The following FAM149A variants were observed in gnomAD, a reference collection of about 807,000 sequenced individuals.
FAM149A encodes protein FAM149A.
FAM149A carries 71 observed loss-of-function variants against 78.2 expected under a neutral mutation model. That is an observed-to-expected ratio of 0.91 (90% CI 0.75 to 1.11). The LOEUF (loss-of-function observed/expected upper bound fraction) is 1.11, where lower values mean the gene tolerates loss of function less well. Ranked by LOEUF, FAM149A falls within the 50% of genes least tolerant of loss-of-function variation. The probability of loss-of-function intolerance (pLI) is 0.00; values close to 1 mark genes in which losing one functional copy is unlikely to be tolerated. For missense variants in FAM149A, 1,036 were observed against 971.0 expected, an observed-to-expected ratio of 1.07 and a Z score of -0.89; for synonymous variants, 446 against 410.5, an observed-to-expected ratio of 1.09 and a Z score of -1.04.
chr4:186,108,046 T>C (rs2099309505), intron 1 of FAM149A, among the ~76,000 whole-genome samples: 1 of 152,230 alleles, frequency 6.6e-6, no homozygotes, highest in Admixed American at 6.5e-5. Context: ...TGGATTTCTG[T>C]GGTAGTGATT....
intron 1 of FAM149A, among the ~76,000 whole-genome samples, chr4:186,122,385 TAAAG>T (rs2099316459): frequency 6.6e-6 from 1 of 152,168 alleles, no homozygotes. Context: ...ATTTGAATAT[TAAAG>T]AGAATATTGG....
chr4:186,146,651 A>G lies in FAM149A; in HGVS notation c.567-2522A>G, dbSNP rs1045926801. The G allele has an allele frequency of 3.0e-5, 21 of 700,856 alleles. No homozygotes were observed. The African/African-American group carries it at 3.9e-4, about 13-fold the overall frequency. The allele number at this position is 700,856 out of a possible 1,614,324, so 43.4% of individuals were successfully genotyped here. ...AAAAGCAGGAGGAGGAGCTAGAAGC[A>G]GGATAGACCGTCTTGAGCAGAGCAG... On this transcript the variant is annotated intron_variant, in intron 1 of 13. Transcript: ENST00000389354.
intron 3 of FAM149A, among the ~76,000 whole-genome samples, chr4:186,150,271 G>A (rs1318604725): frequency 6.6e-6 from 1 of 151,566 alleles, no homozygotes; most frequent in Admixed American, 6.6e-5. Flanking sequence ...AAGGGTCTCC[G>A]TGGATCCCAG....
At chr4:186,154,978 T>C in intron 6 of FAM149A, 1 of 979,998 alleles carries the variant, frequency 1.0e-6, no homozygotes, top group South Asian at 4.7e-5. Flanking sequence ...TTTTTTTTTT[T>C]TTGAGACGGA....
intron 1 of FAM149A, chr4:186,117,745 G>GGCTGC: frequency 1.1e-6 from 1 of 881,600 alleles, no homozygotes; most frequent in Non-Finnish European, 1.4e-6. Context: ...GGCAGGAGCA[G>GGCTGC]GCTGCACTTT....
intron 1 of FAM149A, among the ~76,000 whole-genome samples, chr4:186,140,679 G>A (rs1238490106): frequency 6.6e-6 from 1 of 151,854 alleles, no homozygotes; most frequent in African/African-American, 2.4e-5. Context: ...CTGATCCCAG[G>A]GCCCCATGCC....
chr4:186,156,283 G>A (rs13114283), intron 7 of FAM149A, 93 bp downstream of exon 7: 607,200 of 941,596 alleles, frequency 0.64, 203,527 homozygotes, highest in Non-Finnish European at 0.7. Context: ...GACCTAGAAC[G>A]TGACCAGTGA....
intron 1 of FAM149A, among the ~76,000 whole-genome samples, chr4:186,119,381 CAAAAT>C (rs1337085358): frequency 2.6e-5 from 4 of 152,086 alleles, no homozygotes; most frequent in African/African-American, 9.7e-5. Context: ...AGCACAGAAA[CAAAAT>C]AAAGGCTTTG....
Position 186,163,500 on chromosome 4 carries a change from T to G in FAM149A, c.1756T>G (p.Ser586Ala), listed in dbSNP as rs748170777. 1 of 1,614,160 alleles carries G rather than the reference T, an allele frequency of 6.2e-7. No individual in the cohort carries two copies. The highest frequency in any genetic ancestry group is 1.7e-5 in the Admixed American group (1 of 60,018). The change falls in exon 10 of 14, where the codon TCA becomes GCA. Residue 586 changes from serine to alanine, a missense_variant. Ser to Ala is a moderately conservative substitution (Grantham distance 99). This residue lies in a region of FAM149A where 716 missense variants were observed against 711.8 expected (regional missense o/e 1.01). Transcript: ENST00000389354. ...CGCACCGCACAGACTGGGACGGGCC[T>G]CAGACACTCATGGATTATCACCTTC...
At chr4:186,110,355 G>GGTGGCTCAGGGATGAACA in intron 1 of FAM149A, 2 of 980,026 alleles carry the variant, frequency 2.0e-6, no homozygotes, top group Non-Finnish European at 2.4e-6. Flanking sequence ...AGGGATGAAC[G>GGTGGCTCAGGGATGAACA]GTGGCTCAGT....
intron 1 of FAM149A, among the ~76,000 whole-genome samples, chr4:186,124,980 G>A (rs556764605): frequency 5.3e-5 from 8 of 152,164 alleles, no homozygotes; most frequent in Non-Finnish European, 7.3e-5. Flanking sequence ...ACGGTATCTC[G>A]TTGTGGTTTT....
In FAM149A at chr4:186,171,768, A is replaced by G. The variant is rs1453458128; in HGVS notation, c.2219-146A>G. On this transcript the variant is annotated intron_variant, in intron 13 of 13. Transcript: ENST00000389354. ...TAGGACCCTAATAGGCAGTTTTTGC[A>G]TATGACTATTTCCTAATTTATACAA... 23 of 585,416 alleles carry G rather than the reference A, an allele frequency of 3.9e-5. No homozygotes were observed. The East Asian group carries it at 7.8e-4, about 20-fold the overall frequency. 36.3% of individuals were successfully genotyped at this position (585,416 alleles called of 1,614,324 possible).
chr4:186,112,237 C>T (rs1031470857), intron 1 of FAM149A, among the ~76,000 whole-genome samples: 1,545 of 151,264 alleles, frequency 0.01, 44 homozygotes, highest in African/African-American at 0.035. Flanking sequence ...GATTTTTGTA[C>T]GTTGATTTTG....
intron 6 of FAM149A, 70 bp from the exon 7 acceptor site, chr4:186,155,930 G>C: frequency 2.4e-6 from 3 of 1,230,292 alleles, no homozygotes; most frequent in Non-Finnish European, 3.5e-6. Flanking sequence ...ATACGTGAAT[G>C]TGTGTAGATA....
At position 186,163,467 on chromosome 4, in the gene FAM149A, C is replaced by T. The variant is rs376269476; in HGVS notation, c.1723C>T (p.Leu575Phe). Residue 575 changes from leucine to phenylalanine, a missense_variant, in exon 10 of 14, where the codon CTC becomes TTC. Physicochemically the swap from Leu to Phe is conservative, Grantham distance 22 (BLOSUM62 0). Transcript: ENST00000389354. ...AGCATCGGGTGGAGGGGCAGGTGCT[C>T]TCTCCTCCGCACCGCACAGACTGGG... 1.8e-5 allele frequency: 29 copies of T among 1,613,918 alleles called. No homozygotes were observed. In the African/African-American group the frequency reaches 3.6e-4, roughly 20 times the overall value.
chr4:186,116,427 G>C (rs530626050), intron 1 of FAM149A: 75 of 982,626 alleles, frequency 7.6e-5, no homozygotes, highest in African/African-American at 6.6e-4. Flanking sequence ...CCTCATGACC[G>C]TTACTTTCTA....
intron 1 of FAM149A, among the ~76,000 whole-genome samples, chr4:186,128,503 C>A (rs772547930): frequency 6.6e-6 from 1 of 151,848 alleles, no homozygotes; most frequent in Non-Finnish European, 1.5e-5. Flanking sequence ...AGCAACGGAA[C>A]CTTCCCTGGA....
At chr4:186,112,035 A>G (rs1037367205) in intron 1 of FAM149A, among the ~76,000 whole-genome samples, 3 of 147,172 alleles carry the variant, frequency 2.0e-5, no homozygotes, top group African/African-American at 7.5e-5. Context: ...TGAGCATGGA[A>G]TGTTCTTCCA....
chr4:186,169,281 A>T (rs1206018410), intron 13 of FAM149A: 1 of 985,296 alleles, frequency 1.0e-6, no homozygotes, highest in Non-Finnish European at 1.2e-6. Flanking sequence ...AACTTACAAA[A>T]CACAAAAATC....
Sources: gnomAD v4.1 joint callset for allele counts (sites outside exome capture counted in the v4.1 genomes callset) on GRCh38, gnomAD v4.1.1 for gene constraint, gnomAD v4.1.1 regional missense constraint, MANE v1.5 for transcripts, NCBI Gene and HGNC (gene_info 2026-07-23, HGNC 2026-07-21) for gene names.